Variants in OR10J1 observed in about 807,000 individuals in gnomAD.
OR10J1 encodes olfactory receptor 10J1.
For missense variants in OR10J1, 474 were observed against 376.6 expected, an observed-to-expected ratio of 1.26 and a Z score of -2.14; for synonymous variants, 202 against 143.8, an observed-to-expected ratio of 1.40 and a Z score of -2.89.
rs1191301512 is a variant in OR10J1, at chr1:159,439,824, C to T, written c.33C>T (p.Asp11=). The T allele has an allele frequency of 6.2e-7, 1 of 1,614,132 alleles. No individual in the cohort carries two copies. The highest frequency in any genetic ancestry group is 1.1e-5 in the South Asian group (1 of 91,080). Residue 11 remains aspartate (D), a synonymous_variant, in exon 1 of 1, where the codon GAC becomes GAT. Coordinates refer to ENST00000423932, the MANE Select transcript of OR10J1 (RefSeq NM_012351.3). The part of the protein sequence containing the change: MKRENFTLIT[D]FVFQGFSSFH... ...GAGAGAACTTTACTCTCATCACTGA[C>T]TTTGTTTTCCAAGGTTTCTCTAGCT...
chr1:159,436,212 G>A (rs184701437), upstream of OR10J1, among the ~76,000 whole-genome samples: 140 of 151,858 alleles, frequency 9.2e-4, no homozygotes, highest in African/African-American at 2.8e-3. Context: ...TTGAGATCTC[G>A]TAGCCACCAA....
upstream of OR10J1, among the ~76,000 whole-genome samples, chr1:159,436,136 A>G (rs989958963): frequency 2.4e-4 from 36 of 151,906 alleles, no homozygotes; most frequent in African/African-American, 8.7e-4. Context: ...CAGTCTTCCT[A>G]ATTTGTCCCA....
the OR10J1 span, among the ~76,000 whole-genome samples, chr1:159,421,732 G>A: frequency 2.0e-5 from 3 of 152,284 alleles, no homozygotes; most frequent in Non-Finnish European, 2.9e-5. Flanking sequence ...TGAAGTTTGG[G>A]TAGGAACTGG....
the OR10J1 span, among the ~76,000 whole-genome samples, chr1:159,421,940 G>A: frequency 1.3e-5 from 2 of 152,200 alleles, no homozygotes; most frequent in Admixed American, 6.5e-5. Context: ...CTGGGCGTCA[G>A]GCGTGGCATG....
the OR10J1 span, among the ~76,000 whole-genome samples, chr1:159,400,247 C>T: frequency 2.0e-5 from 3 of 151,694 alleles, no homozygotes; most frequent in South Asian, 4.2e-4. Context: ...ACATTGAATG[C>T]GAATGGACTA....
At chr1:159,406,370 A>G in the OR10J1 span, 1 of 429,532 alleles carries the variant, frequency 2.3e-6, no homozygotes, top group Admixed American at 2.6e-5. Context: ...CTTGGCACTG[A>G]AGAATGTCTA....
chr1:159,425,243 G>T, the OR10J1 span, among the ~76,000 whole-genome samples: 2 of 152,084 alleles, frequency 1.3e-5, no homozygotes, highest in African/African-American at 2.4e-5. Flanking sequence ...CAAAATGAGG[G>T]ATCTAGGAAG....
chr1:159,431,783 A>T, the OR10J1 span, among the ~76,000 whole-genome samples: 1 of 152,230 alleles, frequency 6.6e-6, no homozygotes, highest in Non-Finnish European at 1.5e-5. Context: ...ACTTTGTTTT[A>T]GGTGATTTGC....
the OR10J1 span, among the ~76,000 whole-genome samples, chr1:159,425,026 A>G: frequency 6.6e-6 from 1 of 152,192 alleles, no homozygotes; most frequent in Non-Finnish European, 1.5e-5. Flanking sequence ...ATGAAATTAG[A>G]CTTTTCAACA....
the OR10J1 span, chr1:159,405,983 G>T: frequency 8.6e-5 from 39 of 453,848 alleles, no homozygotes; most frequent in Admixed American, 6.8e-4. Context: ...ACCGTAAGGG[G>T]TTGCAGAAGA....
the OR10J1 span, among the ~76,000 whole-genome samples, chr1:159,399,300 G>A: frequency 2.1e-3 from 316 of 152,190 alleles, 1 homozygote; most frequent in African/African-American, 7.2e-3. Flanking sequence ...GGCCAGGCGC[G>A]ATGGCTCATG....
At chr1:159,420,741 G>A in the OR10J1 span, among the ~76,000 whole-genome samples, 2 of 151,950 alleles carry the variant, frequency 1.3e-5, no homozygotes. Flanking sequence ...CTCATGGTCT[G>A]CATGGTTTCT....
upstream of OR10J1, among the ~76,000 whole-genome samples, chr1:159,434,768 G>A (rs1330896718): frequency 6.6e-6 from 1 of 152,098 alleles, no homozygotes; most frequent in African/African-American, 2.4e-5. Context: ...GCTGTGAGAA[G>A]TCAACAATGT....
At chr1:159,399,308 A>G in the OR10J1 span, among the ~76,000 whole-genome samples, 6 of 152,302 alleles carry the variant, frequency 3.9e-5, no homozygotes, top group South Asian at 1.0e-3. Flanking sequence ...GCGATGGCTC[A>G]TGCCTGTAAT....
the OR10J1 span, among the ~76,000 whole-genome samples, chr1:159,424,704 A>T: frequency 1.3e-5 from 2 of 152,054 alleles, no homozygotes; most frequent in Non-Finnish European, 2.9e-5. Context: ...TAATAAAAAG[A>T]TTAAAAAGTT....
the OR10J1 span, chr1:159,432,219 T>C: frequency 2.5e-6 from 1 of 400,838 alleles, no homozygotes; most frequent in Non-Finnish European, 4.4e-6. Flanking sequence ...AAGGCCCAAT[T>C]TCATGGCTGT....
the OR10J1 span, among the ~76,000 whole-genome samples, chr1:159,417,798 G>A: frequency 6.6e-6 from 1 of 152,152 alleles, no homozygotes; most frequent in Admixed American, 6.5e-5. Context: ...AGGAAAATGT[G>A]GGAAAGTTTG....
At chr1:159,401,062 T>C in the OR10J1 span, among the ~76,000 whole-genome samples, 1 of 151,322 alleles carries the variant, frequency 6.6e-6, no homozygotes. Flanking sequence ...CAAAGAATAA[T>C]GGAACCACAA....
At chr1:159,430,668 T>TGTGTGTGTGTGTGTGC in the OR10J1 span, among the ~76,000 whole-genome samples, 22 of 69,608 alleles carry the variant, frequency 3.2e-4, no homozygotes, top group Non-Finnish European at 7.6e-4. Flanking sequence ...TGTGTGTGTG[T>TGTGTGTGTGTGTGTGC]GCGCGCGCGC....
Sources: gnomAD v4.1 joint callset for allele counts (sites outside exome capture counted in the v4.1 genomes callset) on GRCh38, gnomAD v4.1.1 for gene constraint, MANE v1.5 for transcripts, NCBI Gene and HGNC (gene_info 2026-07-23, HGNC 2026-07-21) for gene names.